Variants in KLHL1 observed in about 807,000 individuals in gnomAD.
KLHL1 encodes the protein kelch-like protein 1.
In KLHL1, 47 loss-of-function variants were observed where a neutral mutation model predicts 77.7. The ratio of observed to expected loss-of-function variants is 0.60; its 90% CI spans 0.48 to 0.77. The LOEUF (loss-of-function observed/expected upper bound fraction) is 0.77. Among genes scored for constraint, KLHL1 ranks in the 30% least tolerant of loss-of-function variants. KLHL1 has a pLI of 0.00. For missense variants in KLHL1, 925 were observed against 910.8 expected, an observed-to-expected ratio of 1.02 and a Z score of -0.20; for synonymous variants, 360 against 325.2, an observed-to-expected ratio of 1.11 and a Z score of -1.15.
intron 1 of KLHL1, among the ~76,000 whole-genome samples, chr13:69,998,630 A>T (rs1885214332): frequency 6.6e-6 from 1 of 152,086 alleles, no homozygotes; most frequent in Non-Finnish European, 1.5e-5. Context: ...CTCAATCAAT[A>T]ACTAGGACCT....
chr13:69,731,893 A>T (rs1873558261), intron 8 of KLHL1, among the ~76,000 whole-genome samples: 1 of 152,204 alleles, frequency 6.6e-6, no homozygotes. Flanking sequence ...AAAACAAAGT[A>T]AAACAAAGCA....
intron 1 of KLHL1, among the ~76,000 whole-genome samples, chr13:69,990,259 A>G (rs1219805996): frequency 6.6e-6 from 1 of 152,050 alleles, no homozygotes; most frequent in Non-Finnish European, 1.5e-5. Context: ...GCAACTACAC[A>G]GGCAAGTCTG....
intron 1 of KLHL1, among the ~76,000 whole-genome samples, chr13:70,051,249 T>C (rs1055162374): frequency 1.3e-5 from 2 of 152,024 alleles, no homozygotes; most frequent in African/African-American, 4.8e-5. Context: ...ATTAGTAATA[T>C]CATGTGTTTC....
rs1001692791 is a variant in KLHL1, at chr13:69,884,572, T to C, written c.1015-2077A>G. On this transcript the variant is annotated intron_variant, in intron 4 of 10. Transcript: ENST00000377844. ...ACTCTATAGCTAGGCCATCAAAATA[T>C]AGTGAGGGATGTCATAAAAAACAGC... Among the ~76,000 whole-genome samples, 14 of 152,088 alleles carry C rather than the reference T, an allele frequency of 9.2e-5. No individual in the cohort carries two copies. The Middle Eastern group carries it at 0.01, about 111-fold the overall frequency.
chr13:69,861,229 T>C (rs7999602), intron 5 of KLHL1, among the ~76,000 whole-genome samples: 48,473 of 151,928 alleles, frequency 0.32, 8,247 homozygotes, highest in African/African-American at 0.45. Context: ...GCTTTTAGAC[T>C]TCTGGTATCC....
chr13:70,045,465 A>G (rs1886471546), intron 1 of KLHL1, among the ~76,000 whole-genome samples: 1 of 152,164 alleles, frequency 6.6e-6, no homozygotes, highest in Non-Finnish European at 1.5e-5. Flanking sequence ...AAAGAGGGCT[A>G]GAAGTAGAAG....
intron 7 of KLHL1, among the ~76,000 whole-genome samples, chr13:69,768,696 T>G (rs932684043): frequency 6.6e-6 from 1 of 152,180 alleles, no homozygotes; most frequent in Non-Finnish European, 1.5e-5. Context: ...AATAAAAACC[T>G]AGTAATTATT....
intron 1 of KLHL1, among the ~76,000 whole-genome samples, chr13:69,977,813 T>C (rs968786338): frequency 5.3e-5 from 8 of 152,170 alleles, no homozygotes; most frequent in African/African-American, 1.9e-4. Flanking sequence ...AAAAACATTA[T>C]TTTTGAATAA....
intron 1 of KLHL1, among the ~76,000 whole-genome samples, chr13:70,080,561 T>C (rs1201388897): frequency 6.6e-6 from 1 of 152,122 alleles, no homozygotes; most frequent in Non-Finnish European, 1.5e-5. Flanking sequence ...TTTGGTTGTT[T>C]ATTGTTCTAT....
intron 4 of KLHL1, among the ~76,000 whole-genome samples, chr13:69,938,251 T>A (rs1883245302): frequency 6.6e-6 from 1 of 152,082 alleles, no homozygotes; most frequent in Non-Finnish European, 1.5e-5. Context: ...ACCATAAACA[T>A]CTATAGAATA....
At chr13:70,085,618 C>T (rs1007459248) in intron 1 of KLHL1, among the ~76,000 whole-genome samples, 1 of 152,176 alleles carries the variant, frequency 6.6e-6, no homozygotes, top group Non-Finnish European at 1.5e-5. Flanking sequence ...AATCTCAGCA[C>T]TTTGGGAGGC....
chr13:69,962,811 C>A (rs1195314715), intron 2 of KLHL1, among the ~76,000 whole-genome samples: 2 of 152,036 alleles, frequency 1.3e-5, no homozygotes, highest in East Asian at 3.9e-4. Context: ...CTGGGAGCTA[C>A]AACTCTTTAA....
chr13:69,736,701 T>TAC (rs947617316), intron 8 of KLHL1, among the ~76,000 whole-genome samples: 9 of 151,652 alleles, frequency 5.9e-5, no homozygotes, highest in African/African-American at 1.7e-4. Flanking sequence ...TATATATATA[T>TAC]ACACACACCA....
At chr13:69,797,238 A>G (rs1277464834) in intron 6 of KLHL1, among the ~76,000 whole-genome samples, 1 of 152,232 alleles carries the variant, frequency 6.6e-6, no homozygotes, top group East Asian at 1.9e-4. Context: ...ATTGGTGAGC[A>G]TGACCCAGTT....
In KLHL1 at chr13:69,700,756, GA is replaced by G. The variant is rs770831496; in HGVS notation, c.*945del. 8 of 152,340 alleles carry G rather than the reference GA, an allele frequency of 5.3e-5. No individual in the cohort carries two copies. The highest frequency in any genetic ancestry group is 1.3e-4 in the Admixed American group (2 of 15,224). 9.4% of individuals were successfully genotyped at this position (152,340 alleles called of 1,614,324 possible). A position where few individuals can be genotyped will look rare whatever the true frequency, so the allele number is the denominator to read the frequency against. Reference sequence around the variant, plus strand: ...AACAAGTTTGAAAAATGGGCGATGAGAATATGAAGTCTGCCTTCTTTCTAGC... The same window carrying G: ...AACAAGTTTGAAAAATGGGCGATGAGATATGAAGTCTGCCTTCTTTCTAGC... On this transcript the variant is annotated 3_prime_UTR_variant, in exon 11 of 11. Coordinates refer to ENST00000377844, the MANE Select transcript of KLHL1 (RefSeq NM_020866.3).
chr13:69,776,372 G>A (rs1387683877), intron 7 of KLHL1, among the ~76,000 whole-genome samples: 1 of 152,150 alleles, frequency 6.6e-6, no homozygotes, highest in Non-Finnish European at 1.5e-5. Context: ...CAAATCTGCA[G>A]AGAATTCTAG....
rs774393942 is a variant in KLHL1, at chr13:70,100,258, TTTA to T, written c.497+6942_497+6944del. Among the ~76,000 whole-genome samples the T allele has an allele frequency of 5.3e-5, 8 of 152,142 alleles. No individual in the cohort carries two copies. The East Asian group carries it at 1.5e-3, about 29-fold the overall frequency. On this transcript the variant is annotated intron_variant, in intron 1 of 10. Transcript: ENST00000377844. Reference sequence around the variant, plus strand: ...TGAGTCTTTCACATCTTTTCTCATTTTTATTATTTCATAATTTATTAATATTAT... The same window carrying T: ...TGAGTCTTTCACATCTTTTCTCATTTTTATTTCATAATTTATTAATATTAT...
chr13:69,938,136 A>G (rs1292472357), intron 4 of KLHL1, among the ~76,000 whole-genome samples: 3 of 152,236 alleles, frequency 2.0e-5, no homozygotes, highest in Admixed American at 6.5e-5. Flanking sequence ...ATGTGATGAT[A>G]AATCACATTA....
chr13:69,797,042 A>G (rs1250304624), intron 6 of KLHL1, 80 bp from the exon 7 acceptor site: 1 of 1,102,806 alleles, frequency 9.1e-7, no homozygotes, highest in African/African-American at 1.6e-5. Context: ...ACAAATTAGG[A>G]TGTGAAAACA....
Sources: allele counts gnomAD v4.1 joint callset (sites outside exome capture counted in the v4.1 genomes callset), GRCh38; gene constraint gnomAD v4.1.1; transcripts MANE v1.5; gene names NCBI Gene and HGNC (gene_info 2026-07-23, HGNC 2026-07-21).